Variants in MTMR12 observed in about 807,000 individuals in gnomAD.
The protein encoded by MTMR12 is myotubularin-related protein 12.
Under a neutral mutation model 96.7 loss-of-function variants are expected in MTMR12, and 33 were observed. The observed-to-expected ratio is 0.34, with a 90% CI of 0.26 to 0.46. The LOEUF (loss-of-function observed/expected upper bound fraction) is 0.46, where lower values mean the gene tolerates loss of function less well. Ranked by LOEUF, MTMR12 falls within the 20% of genes least tolerant of loss-of-function variation. The pLI, the probability that MTMR12 is intolerant of heterozygous loss-of-function variation, is 1.00. For missense variants in MTMR12, 721 were observed against 896.1 expected (o/e 0.80, Z 2.49); for synonymous variants, 298 against 327.2 (o/e 0.91, Z 0.96).
chr5:32,235,342 T>A (rs533752951), intron 13 of MTMR12, among the ~76,000 whole-genome samples: 1 of 152,308 alleles, frequency 6.6e-6, no homozygotes, highest in Non-Finnish European at 1.5e-5. Context: ...GTCAAAGACA[T>A]TTCAAAGACG....
chr5:32,241,071 C>T (rs1748450137), intron 12 of MTMR12, among the ~76,000 whole-genome samples: 1 of 152,206 alleles, frequency 6.6e-6, no homozygotes, highest in Admixed American at 6.5e-5. Context: ...TCAAATTTCA[C>T]TCTATGCAAC....
At chr5:32,265,301 G>C (rs1749546025) in intron 6 of MTMR12, among the ~76,000 whole-genome samples, 1 of 152,184 alleles carries the variant, frequency 6.6e-6, no homozygotes, top group Non-Finnish European at 1.5e-5. Context: ...AATAAAAGAT[G>C]CTATTAATAC....
chr5:32,270,743 A>G, intron 5 of MTMR12, 74 bp downstream of exon 5: 1 of 1,498,288 alleles, frequency 6.7e-7, no homozygotes, highest in African/African-American at 1.4e-5. Flanking sequence ...CCTTCATGCA[A>G]CGTAAGCAAA....
rs1158611276 is a variant in MTMR12, at chr5:32,267,910, T to C, written c.583+791A>G. On this transcript the variant is annotated intron_variant, in intron 6 of 15. Coordinates refer to ENST00000382142, the MANE Select transcript of MTMR12 (RefSeq NM_001040446.3). ...GTGCAGTGGTGCGATCTCGGCTCAC[T>C]GCAACCTCCATCTCCCAGGTTCAAG... Among the ~76,000 whole-genome samples the C allele has an allele frequency of 5.3e-5, 8 of 152,264 alleles. No homozygotes were observed. The East Asian group carries it at 1.4e-3, about 26-fold the overall frequency.
intron 1 of MTMR12, among the ~76,000 whole-genome samples, chr5:32,310,850 T>C (rs1362592193): frequency 1.3e-5 from 2 of 151,990 alleles, no homozygotes; most frequent in African/African-American, 4.8e-5. Context: ...ATTCATGCAT[T>C]GTATGCCTGT....
At chr5:32,282,840 C>T (rs1247853079) in intron 1 of MTMR12, among the ~76,000 whole-genome samples, 2 of 152,214 alleles carry the variant, frequency 1.3e-5, no homozygotes, top group Non-Finnish European at 2.9e-5. Context: ...CCCTATATTT[C>T]ACAATCGCTT....
chr5:32,296,050 T>C (rs1390890909), intron 1 of MTMR12, among the ~76,000 whole-genome samples: 2 of 151,908 alleles, frequency 1.3e-5, no homozygotes, highest in African/African-American at 2.4e-5. Flanking sequence ...TCCCAGCTAC[T>C]AGGGAGGCTG....
intron 15 of MTMR12, among the ~76,000 whole-genome samples, chr5:32,232,170 C>T (rs978545240): frequency 6.6e-6 from 1 of 152,204 alleles, no homozygotes; most frequent in Admixed American, 6.5e-5. Context: ...GAATGGGTCC[C>T]CCCCACCGTG....
At chr5:32,304,969 G>A (rs973631415) in intron 1 of MTMR12, among the ~76,000 whole-genome samples, 30 of 152,338 alleles carry the variant, frequency 2.0e-4, no homozygotes, top group African/African-American at 6.7e-4. Context: ...GACCTTTAAT[G>A]TCTTCTGATG....
intron 11 of MTMR12, among the ~76,000 whole-genome samples, 194 bp from the exon 12 acceptor site, chr5:32,242,321 T>A (rs1015790849): frequency 6.6e-6 from 1 of 152,084 alleles, no homozygotes; most frequent in African/African-American, 2.4e-5. Flanking sequence ...TTCCTGCCCA[T>A]TAGAAACTGA....
chr5:32,301,144 G>A (rs1751126786), intron 1 of MTMR12, among the ~76,000 whole-genome samples: 1 of 152,160 alleles, frequency 6.6e-6, no homozygotes, highest in Admixed American at 6.5e-5. Context: ...GGGTGGGGCT[G>A]GGGGCTGCAG....
intron 7 of MTMR12, among the ~76,000 whole-genome samples, chr5:32,256,446 T>G (rs1450105499): frequency 6.6e-6 from 1 of 152,258 alleles, no homozygotes; most frequent in African/African-American, 2.4e-5. Flanking sequence ...AGCTGGGACC[T>G]GAACCCAAGC....
intron 1 of MTMR12, among the ~76,000 whole-genome samples, chr5:32,286,906 C>G (rs1367665409): frequency 2.0e-5 from 3 of 152,158 alleles, no homozygotes; most frequent in African/African-American, 7.2e-5. Context: ...CTCTTATGCA[C>G]CTGCTCTCTT....
intron 3 of MTMR12, among the ~76,000 whole-genome samples, chr5:32,273,200 G>A (rs947665397): frequency 2.6e-5 from 4 of 152,100 alleles, no homozygotes; most frequent in Non-Finnish European, 5.9e-5. Flanking sequence ...AGAACTTCGA[G>A]ACCAGCATGG....
chr5:32,238,832 T>C (rs918419497), intron 13 of MTMR12, among the ~76,000 whole-genome samples, 169 bp downstream of exon 13: 4 of 152,244 alleles, frequency 2.6e-5, no homozygotes, highest in African/African-American at 9.6e-5. Flanking sequence ...TTCACTATTA[T>C]TTAAAGTATC....
chr5:32,288,318 A>G (rs1267610033), intron 1 of MTMR12, among the ~76,000 whole-genome samples: 3 of 152,044 alleles, frequency 2.0e-5, no homozygotes. Context: ...TCCCTAACCC[A>G]TACTGCCATC....
At chr5:32,266,667 AAC>A (rs1014659364) in intron 6 of MTMR12, among the ~76,000 whole-genome samples, 1 of 151,424 alleles carries the variant, frequency 6.6e-6, no homozygotes, top group African/African-American at 2.4e-5. Flanking sequence ...CAGCCTGGGT[AAC>A]AGTGTGAGAG....
chr5:32,300,814 C>T (rs913064039), intron 1 of MTMR12, among the ~76,000 whole-genome samples: 6 of 152,326 alleles, frequency 3.9e-5, no homozygotes, highest in African/African-American at 9.6e-5. Context: ...GTGGCTCACA[C>T]CTCTAATCCC....
At chr5:32,277,887 T>G (rs1022161602) in intron 1 of MTMR12, among the ~76,000 whole-genome samples, 1 of 152,192 alleles carries the variant, frequency 6.6e-6, no homozygotes, top group Non-Finnish European at 1.5e-5. Context: ...CCAGCTAATC[T>G]ACAGCACACC....
Sources: allele counts gnomAD v4.1 joint callset (sites outside exome capture counted in the v4.1 genomes callset), GRCh38; gene constraint gnomAD v4.1.1; transcripts MANE v1.5; gene names NCBI Gene and HGNC (gene_info 2026-07-23, HGNC 2026-07-21).